Variants in SHQ1 observed in about 807,000 individuals in gnomAD.
SHQ1 encodes protein SHQ1 homolog.
In SHQ1, 49 loss-of-function variants were observed where a neutral mutation model predicts 53.8. The ratio of observed to expected loss-of-function variants is 0.91; its 90% CI spans 0.72 to 1.16. SHQ1 has a LOEUF of 1.16. Among genes scored for constraint, SHQ1 ranks in the 50% most tolerant of loss-of-function variants. SHQ1 has a pLI of 0.00. For missense variants in SHQ1, 738 were observed against 683.1 expected (o/e 1.08, Z -0.90); for synonymous variants, 243 against 251.0 (o/e 0.97, Z 0.30).
the SHQ1 span, among the ~76,000 whole-genome samples, chr3:72,736,992 G>A: frequency 5.9e-5 from 9 of 151,926 alleles, no homozygotes; most frequent in East Asian, 7.8e-4. Flanking sequence ...GGGTTAGGCC[G>A]GGGGTGGTGG....
intron 10 of SHQ1, among the ~76,000 whole-genome samples, chr3:72,759,998 T>C (rs934531678): frequency 6.6e-6 from 1 of 152,220 alleles, no homozygotes; most frequent in Non-Finnish European, 1.5e-5. Flanking sequence ...GGCCTCTCAA[T>C]CATGTGATGC....
the SHQ1 span, among the ~76,000 whole-genome samples, chr3:72,740,633 G>A: frequency 6.6e-6 from 1 of 152,194 alleles, no homozygotes; most frequent in Non-Finnish European, 1.5e-5. Context: ...CCAAAAGTCA[G>A]CACAGGCCTA....
At position 72,818,942 on chromosome 3, in the gene SHQ1, T is replaced by C. The variant is rs75725138; in HGVS notation, c.728-1558A>G. Reference sequence around the variant, plus strand: ...AAATTCTGCCAACAATCATGTGAGATTGGAAGAAGACCTTGAGCTCCAGGA... The same window carrying C: ...AAATTCTGCCAACAATCATGTGAGACTGGAAGAAGACCTTGAGCTCCAGGA... On this transcript the variant is annotated intron_variant, in intron 6 of 10. Transcript: ENST00000325599. Among the ~76,000 whole-genome samples the C allele has an allele frequency of 5.2e-3, 785 of 152,206 alleles. 9 individuals carry two copies. The highest frequency in any genetic ancestry group is 0.018 in the African/African-American group (754 of 41,526).
At chr3:72,796,414 C>G (rs533809711) in intron 9 of SHQ1, among the ~76,000 whole-genome samples, 1 of 152,328 alleles carries the variant, frequency 6.6e-6, no homozygotes, top group South Asian at 2.1e-4. Context: ...AAATTATACA[C>G]AGCTTCACTT....
intron 9 of SHQ1, among the ~76,000 whole-genome samples, chr3:72,801,858 T>C (rs1706799078): frequency 6.6e-6 from 1 of 152,208 alleles, no homozygotes; most frequent in South Asian, 2.1e-4. Context: ...TGTTCCCCAA[T>C]TCTAAAAAGC....
chr3:72,745,999 C>G (rs557168089), downstream of SHQ1, among the ~76,000 whole-genome samples: 5 of 152,172 alleles, frequency 3.3e-5, no homozygotes, highest in African/African-American at 1.2e-4. Context: ...CGCCACCACC[C>G]CCAGGTAAGT....
intron 9 of SHQ1, among the ~76,000 whole-genome samples, chr3:72,795,800 G>T (rs1306150873): frequency 1.3e-5 from 2 of 152,258 alleles, no homozygotes; most frequent in African/African-American, 2.4e-5. Flanking sequence ...ATATAAACAG[G>T]TTAACAGAAA....
chr3:72,812,168 T>C (rs1336656901), intron 9 of SHQ1, among the ~76,000 whole-genome samples: 1 of 152,248 alleles, frequency 6.6e-6, no homozygotes, highest in Non-Finnish European at 1.5e-5. Context: ...GGAAAATCTT[T>C]CTTGACATGC....
downstream of SHQ1, among the ~76,000 whole-genome samples, chr3:72,748,339 A>C (rs1338316962): frequency 1.2e-5 from 1 of 81,274 alleles, no homozygotes; most frequent in Non-Finnish European, 2.9e-5. Flanking sequence ...CAAAAAAAAA[A>C]AAAAAAAAAA....
the SHQ1 span, among the ~76,000 whole-genome samples, chr3:72,725,677 G>C: frequency 2.0e-5 from 3 of 152,240 alleles, no homozygotes; most frequent in African/African-American, 2.4e-5. Context: ...GCCCAGCCAC[G>C]AGCACAGTGC....
In SHQ1 at chr3:72,812,773, T is replaced by TC. The variant is rs755331613; in HGVS notation, c.957_958insG (p.Ile320AspfsTer36). 6.2e-6 allele frequency: 10 copies of TC among 1,613,964 alleles called. No individual in the cohort carries two copies. The highest frequency in any genetic ancestry group is 2.5e-6 in the Non-Finnish European group (3 of 1,179,996). Reference sequence around the variant, plus strand: ...ACCCTTCTTCCAAAAGACACCATGATATCATGAACGTTAGTCCAAGTCTGT... The same window carrying TC: ...ACCCTTCTTCCAAAAGACACCATGATCATCATGAACGTTAGTCCAAGTCTGT... On this transcript the variant is annotated frameshift_variant, in exon 9 of 11. Transcript: ENST00000325599. LOFTEE classifies it high-confidence loss of function.
chr3:72,732,384 G>GCCTTCCTTCCTTCCTTCCTT, the SHQ1 span, among the ~76,000 whole-genome samples: 240 of 86,834 alleles, frequency 2.8e-3, no homozygotes, highest in African/African-American at 4.7e-3. Flanking sequence ...CTGCCTGCCT[G>GCCTTCCTTCCTTCCTTCCTT]CCTGCCTTCC....
intron 10 of SHQ1, among the ~76,000 whole-genome samples, chr3:72,786,140 C>T (rs1706225094): frequency 6.6e-6 from 1 of 152,206 alleles, no homozygotes; most frequent in African/African-American, 2.4e-5. Context: ...TCTCACCTGC[C>T]TCTCAAATCT....
chr3:72,758,300 A>T (rs1705538914), intron 10 of SHQ1, among the ~76,000 whole-genome samples: 1 of 152,232 alleles, frequency 6.6e-6, no homozygotes, highest in Admixed American at 6.5e-5. Flanking sequence ...ACTTAACACA[A>T]GGAAGGCTGC....
At position 72,847,302 on chromosome 3, in the gene SHQ1, T is replaced by C. The variant is rs558962680; in HGVS notation, c.143+896A>G. ...AGAAGGTTTGTACCACAAAAGTACT[T>C]GGGTGGGAAAAGTAGGATGCAGCTA... is the stretch of plus-strand genomic sequence containing the variant. On this transcript the variant is annotated intron_variant, in intron 1 of 10. Transcript: ENST00000325599. 5.3e-5 allele frequency among the ~76,000 whole-genome samples: 8 copies of C among 152,134 alleles called. No homozygotes were observed. In the South Asian group the frequency reaches 1.5e-3, roughly 28 times the overall value.
chr3:72,799,430 G>C (rs992476441), intron 9 of SHQ1, among the ~76,000 whole-genome samples: 9 of 152,162 alleles, frequency 5.9e-5, no homozygotes, highest in African/African-American at 1.9e-4. Context: ...TAAAAAGAGA[G>C]AAGGAAGAAA....
At chr3:72,761,168 T>A (rs1000330520) in intron 10 of SHQ1, among the ~76,000 whole-genome samples, 29 of 152,298 alleles carry the variant, frequency 1.9e-4, no homozygotes, top group South Asian at 8.3e-4. Flanking sequence ...TACTTATTTT[T>A]AAAATTTTTT....
intron 6 of SHQ1, among the ~76,000 whole-genome samples, chr3:72,823,793 G>A (rs1707560673): frequency 6.6e-6 from 1 of 152,136 alleles, no homozygotes; most frequent in Non-Finnish European, 1.5e-5. Flanking sequence ...GGTGGGAAGA[G>A]TCTATATTCC....
chr3:72,831,324 T>C (rs1220383566), intron 5 of SHQ1, among the ~76,000 whole-genome samples: 3 of 152,222 alleles, frequency 2.0e-5, no homozygotes, highest in Non-Finnish European at 4.4e-5. Context: ...GGAGATAGAA[T>C]GTTAATCACG....
Sources: gnomAD v4.1 joint callset for allele counts (sites outside exome capture counted in the v4.1 genomes callset) on GRCh38, gnomAD v4.1.1 for gene constraint, MANE v1.5 for transcripts, NCBI Gene and HGNC (gene_info 2026-07-23, HGNC 2026-07-21) for gene names.